The following RBFOX1 variants were observed in gnomAD, a reference collection of about 807,000 sequenced individuals.
The protein encoded by RBFOX1 is RNA binding protein fox-1 homolog 1.
A neutral mutation model predicts 57.7 loss-of-function variants in RBFOX1; 8 were observed. That is an observed-to-expected ratio of 0.14 (90% confidence interval 0.08 to 0.25). The LOEUF (loss-of-function observed/expected upper bound fraction) is 0.25, where lower values mean the gene tolerates loss of function less well. Ranked by LOEUF, RBFOX1 falls within the 10% of genes least tolerant of loss-of-function variation. RBFOX1 has a pLI of 1.00. For missense variants in RBFOX1, 611 were observed against 548.5 expected, an observed-to-expected ratio of 1.11 and a Z score of -1.14; for synonymous variants, 326 against 222.4, an observed-to-expected ratio of 1.47 and a Z score of -4.15.
intron 4 of RBFOX1, among the ~76,000 whole-genome samples, chr16:7,216,892 T>C (rs1339484145): frequency 6.6e-6 from 1 of 152,158 alleles, no homozygotes; most frequent in Non-Finnish European, 1.5e-5. Context: ...TGTGTTGTAA[T>C]CATTACTTTC....
intron 1 of RBFOX1, among the ~76,000 whole-genome samples, chr16:5,271,799 T>G (rs1427733162): frequency 1.3e-5 from 2 of 152,318 alleles, no homozygotes; most frequent in East Asian, 1.9e-4. Flanking sequence ...ACTCTCTATT[T>G]CTGTGAGTTC....
intron 1 of RBFOX1, among the ~76,000 whole-genome samples, chr16:5,269,909 C>G (rs1280313905): frequency 6.6e-6 from 1 of 152,124 alleles, no homozygotes; most frequent in Admixed American, 6.5e-5. Context: ...AATCCCAGTG[C>G]TTTGGGAGGC....
At chr16:7,498,004 C>T (rs2058295) in intron 4 of RBFOX1, among the ~76,000 whole-genome samples, 27,363 of 152,170 alleles carry the variant, frequency 0.18, 3,786 homozygotes, top group East Asian at 0.53. Flanking sequence ...CTCCTGTCCC[C>T]AAATAGGTGC....
chr16:7,053,179 A>C (rs1029667874), intron 4 of RBFOX1, among the ~76,000 whole-genome samples: 1 of 152,190 alleles, frequency 6.6e-6, no homozygotes, highest in Non-Finnish European at 1.5e-5. Flanking sequence ...TTTGTGAAGT[A>C]CTTGGGTAAA....
At chr16:6,418,737 A>G (rs999022597) in intron 2 of RBFOX1, among the ~76,000 whole-genome samples, 11 of 152,062 alleles carry the variant, frequency 7.2e-5, no homozygotes. Context: ...TATATTGCCC[A>G]GGCTGGTCTT....
At chr16:7,676,470 A>G (rs1047744111) in intron 13 of RBFOX1, among the ~76,000 whole-genome samples, 19 of 152,302 alleles carry the variant, frequency 1.2e-4, no homozygotes, top group African/African-American at 4.6e-4. Flanking sequence ...ATAATTCCCC[A>G]TAATCCTCTC....
intron 4 of RBFOX1, among the ~76,000 whole-genome samples, chr16:7,391,988 C>A (rs188723046): frequency 6.6e-5 from 10 of 152,164 alleles, no homozygotes; most frequent in African/African-American, 2.4e-4. Context: ...AGAATACAAG[C>A]TCTCTCTGTC....
At chr16:7,495,993 A>G (rs1258167945) in intron 4 of RBFOX1, among the ~76,000 whole-genome samples, 1 of 152,224 alleles carries the variant, frequency 6.6e-6, no homozygotes, top group Non-Finnish European at 1.5e-5. Context: ...ACTTCCATAC[A>G]GAGAAGAAGC....
chr16:5,858,475 C>T (rs978354013), intron 3 of RBFOX1, among the ~76,000 whole-genome samples: 1 of 152,180 alleles, frequency 6.6e-6, no homozygotes, highest in African/African-American at 2.4e-5. Context: ...CAGGCCCTCC[C>T]TGATCAGTCC....
intron 1 of RBFOX1, among the ~76,000 whole-genome samples, chr16:6,130,109 A>G (rs59838440): frequency 0.044 from 6,654 of 152,230 alleles, 268 homozygotes; most frequent in East Asian, 0.2. Context: ...TGGTAGACAC[A>G]TAGGTCTACC....
chr16:7,537,314 C>T (rs985451129), intron 5 of RBFOX1, among the ~76,000 whole-genome samples: 2 of 152,144 alleles, frequency 1.3e-5, no homozygotes. Context: ...AGTATTCACA[C>T]CTGTGGACTT....
At chr16:7,194,677 C>T (rs1000459994) in intron 4 of RBFOX1, among the ~76,000 whole-genome samples, 2 of 152,046 alleles carry the variant, frequency 1.3e-5, no homozygotes, top group Non-Finnish European at 2.9e-5. Context: ...TCTGTAATCC[C>T]AGCAATTTTA....
At chr16:5,484,869 C>T (rs1255657381) in intron 2 of RBFOX1, among the ~76,000 whole-genome samples, 1 of 150,804 alleles carries the variant, frequency 6.6e-6, no homozygotes, top group Non-Finnish European at 1.5e-5. Flanking sequence ...GCACTCCAGC[C>T]TGGGTGACAT....
intron 2 of RBFOX1, among the ~76,000 whole-genome samples, chr16:6,500,519 T>A (rs2095879409): frequency 6.6e-6 from 1 of 152,188 alleles, no homozygotes; most frequent in Non-Finnish European, 1.5e-5. Flanking sequence ...TGCAGAAATA[T>A]GATTAAGTCA....
chr16:5,567,346 C>T (rs1037842296), intron 2 of RBFOX1, among the ~76,000 whole-genome samples: 3 of 152,158 alleles, frequency 2.0e-5, no homozygotes, highest in African/African-American at 4.8e-5. Context: ...TAGTTACTAG[C>T]TAACGTGTAT....
At chr16:7,638,085 A>G (rs1198153287) in intron 11 of RBFOX1, among the ~76,000 whole-genome samples, 2 of 152,088 alleles carry the variant, frequency 1.3e-5, no homozygotes, top group East Asian at 1.9e-4. Context: ...TCCATTACAG[A>G]GTTTTTTGGT....
At chr16:6,532,639 G>C (rs1319160982) in intron 2 of RBFOX1, among the ~76,000 whole-genome samples, 1 of 152,044 alleles carries the variant, frequency 6.6e-6, no homozygotes, top group Admixed American at 6.6e-5. Flanking sequence ...GTCTCTTCTC[G>C]AGATTTCTTC....
chr16:7,519,474 T>C (rs1038680852), intron 5 of RBFOX1, among the ~76,000 whole-genome samples: 1 of 152,214 alleles, frequency 6.6e-6, no homozygotes, highest in East Asian at 1.9e-4. Flanking sequence ...GAAACAGGCA[T>C]GTAAACAGAA....
At chr16:7,034,988 C>CA (rs1041372974) in intron 3 of RBFOX1, among the ~76,000 whole-genome samples, 1 of 150,570 alleles carries the variant, frequency 6.6e-6, no homozygotes, top group African/African-American at 2.5e-5. Flanking sequence ...GCTGGGCCTA[C>CA]AGGTGCCCAC....
Sources: gnomAD v4.1 joint callset for allele counts (sites outside exome capture counted in the v4.1 genomes callset) on GRCh38, gnomAD v4.1.1 for gene constraint, MANE v1.5 for transcripts, NCBI Gene and HGNC (gene_info 2026-07-23, HGNC 2026-07-21) for gene names.